Variants in AKAP19 observed in about 807,000 individuals in gnomAD.
AKAP19 encodes the protein A-kinase anchoring protein 19.
chr2:190,004,888 A>G, the AKAP19 span, among the ~76,000 whole-genome samples: 1 of 152,212 alleles, frequency 6.6e-6, no homozygotes, highest in East Asian at 1.9e-4. Flanking sequence ...TAAAAGTATT[A>G]GGCATACCAC....
At chr2:189,914,491 C>G in the AKAP19 span, among the ~76,000 whole-genome samples, 1,906 of 152,038 alleles carry the variant, frequency 0.013, 36 homozygotes, top group African/African-American at 0.043. Context: ...AAACTGCCAG[C>G]AGTAAGCTAA....
At chr2:189,953,485 T>C in the AKAP19 span, among the ~76,000 whole-genome samples, 1 of 151,562 alleles carries the variant, frequency 6.6e-6, no homozygotes, top group Non-Finnish European at 1.5e-5. Flanking sequence ...AAATACAAAA[T>C]TAGCCAGGCA....
At chr2:190,111,781 CA>C in the AKAP19 span, among the ~76,000 whole-genome samples, 1 of 152,150 alleles carries the variant, frequency 6.6e-6, no homozygotes, top group South Asian at 2.1e-4. Context: ...TGCACATATA[CA>C]CACACACAAA....
At chr2:189,900,894 G>C in the AKAP19 span, among the ~76,000 whole-genome samples, 1 of 152,172 alleles carries the variant, frequency 6.6e-6, no homozygotes, top group African/African-American at 2.4e-5. Flanking sequence ...TGTGCTTTGT[G>C]CTGGAGAAGG....
At chr2:190,016,109 T>A in the AKAP19 span, among the ~76,000 whole-genome samples, 6 of 152,222 alleles carry the variant, frequency 3.9e-5, no homozygotes, top group East Asian at 9.6e-4. Flanking sequence ...AACCTCTGCG[T>A]GTTACCCAGT....
the AKAP19 span, among the ~76,000 whole-genome samples, chr2:189,880,526 C>T: frequency 6.6e-6 from 1 of 152,298 alleles, no homozygotes; most frequent in African/African-American, 2.4e-5. Flanking sequence ...ACTGAATCCA[C>T]ATGTTGCAAG....
chr2:189,937,725 T>C, the AKAP19 span, among the ~76,000 whole-genome samples: 1 of 152,144 alleles, frequency 6.6e-6, no homozygotes, highest in Admixed American at 6.5e-5. Context: ...CTCATGCCAG[T>C]TAAAATGGCT....
At chr2:190,028,177 TGAG>T in the AKAP19 span, among the ~76,000 whole-genome samples, 2 of 152,128 alleles carry the variant, frequency 1.3e-5, no homozygotes, top group African/African-American at 2.4e-5. Flanking sequence ...CAAAAATTCA[TGAG>T]GAGAAGTAAA....
the AKAP19 span, among the ~76,000 whole-genome samples, chr2:189,975,752 C>T: frequency 6.6e-6 from 1 of 152,168 alleles, no homozygotes; most frequent in Non-Finnish European, 1.5e-5. Context: ...GTCACTGATA[C>T]CCTTTCTTCC....
At chr2:190,101,784 T>C in the AKAP19 span, among the ~76,000 whole-genome samples, 1 of 151,624 alleles carries the variant, frequency 6.6e-6, no homozygotes, top group African/African-American at 2.4e-5. Flanking sequence ...ATTAGACAAA[T>C]CATTGAGGCA....
the AKAP19 span, among the ~76,000 whole-genome samples, chr2:190,017,251 G>A: frequency 6.6e-6 from 1 of 151,908 alleles, no homozygotes; most frequent in Non-Finnish European, 1.5e-5. Context: ...CTTTTTGTTG[G>A]AGAATATAAT....
the AKAP19 span, among the ~76,000 whole-genome samples, chr2:190,006,376 G>A: frequency 7.5e-4 from 114 of 152,336 alleles, no homozygotes; most frequent in African/African-American, 2.6e-3. Flanking sequence ...GGTTGGGCGC[G>A]GTGGCTCACG....
the AKAP19 span, among the ~76,000 whole-genome samples, chr2:189,942,783 G>C: frequency 2.0e-5 from 3 of 152,232 alleles, no homozygotes; most frequent in African/African-American, 4.8e-5. Flanking sequence ...ACTGCATTCT[G>C]TTCATGCCGT....
the AKAP19 span, chr2:190,180,467 C>G: frequency 2.0e-6 from 2 of 985,406 alleles, no homozygotes; most frequent in African/African-American, 1.7e-5. This position sits in a 1 kb window ranked among gnomAD's most constrained non-coding sequence, Gnocchi z 6.8. Context: ...AGCGAAATGC[C>G]TCGCTGGCTC....
the AKAP19 span, among the ~76,000 whole-genome samples, chr2:190,181,573 G>A: frequency 6.6e-6 from 1 of 152,176 alleles, no homozygotes; most frequent in African/African-American, 2.4e-5. Flanking sequence ...AGGAGTAGAC[G>A]GGTAAGATCC....
the AKAP19 span, among the ~76,000 whole-genome samples, chr2:190,047,701 C>T: frequency 6.6e-6 from 1 of 152,134 alleles, no homozygotes; most frequent in South Asian, 2.1e-4. Context: ...GGGAAAGTAC[C>T]AGAGATATTC....
chr2:190,140,918 C>T, the AKAP19 span, among the ~76,000 whole-genome samples: 1 of 152,196 alleles, frequency 6.6e-6, no homozygotes, highest in Non-Finnish European at 1.5e-5. Context: ...TTCTTGAACA[C>T]TTTACCACTT....
At chr2:189,926,729 C>T in the AKAP19 span, among the ~76,000 whole-genome samples, 2 of 150,784 alleles carry the variant, frequency 1.3e-5, no homozygotes, top group African/African-American at 2.4e-5. Flanking sequence ...TACAGGCGCC[C>T]GCCACCATGC....
chr2:189,894,538 T>A, the AKAP19 span, among the ~76,000 whole-genome samples: 1 of 152,198 alleles, frequency 6.6e-6, no homozygotes, highest in East Asian at 1.9e-4. Context: ...AATTTTAGAC[T>A]TTTTTCTTCT....
Sources: allele counts gnomAD v4.1 joint callset (sites outside exome capture counted in the v4.1 genomes callset), GRCh38; gene constraint gnomAD v4.1.1; non-coding constraint Gnocchi (gnomAD v3.1); transcripts MANE v1.5; gene names NCBI Gene and HGNC (gene_info 2026-07-23, HGNC 2026-07-21).